USP15: variants seen among roughly 807,000 people sequenced by gnomAD.
The protein encoded by USP15 is ubiquitin specific peptidase 15, also known as ubiquitin carboxyl-terminal hydrolase 15.
In USP15, 18 loss-of-function variants were observed where a neutral mutation model predicts 127.1. The ratio of observed to expected loss-of-function variants is 0.14; its 90% CI spans 0.10 to 0.21. The LOEUF (loss-of-function observed/expected upper bound fraction) is 0.21, where lower values mean the gene tolerates loss of function less well. USP15 is among the 10% of genes least tolerant of loss of function. The pLI, the probability that USP15 is intolerant of heterozygous loss-of-function variation, is 1.00. For missense variants in USP15, 805 were observed against 1,159.9 expected, an observed-to-expected ratio of 0.69 and a Z score of 4.44; for synonymous variants, 364 against 393.7, an observed-to-expected ratio of 0.92 and a Z score of 0.89.
intron 5 of USP15, among the ~76,000 whole-genome samples, chr12:62,323,063 G>T (rs1373994941): frequency 6.6e-6 from 1 of 152,102 alleles, no homozygotes; most frequent in African/African-American, 2.4e-5. Flanking sequence ...TCAGGTTCTA[G>T]CTCAACTGTC....
chr12:62,335,946 C>T (rs2065448659), intron 6 of USP15: 26 of 985,394 alleles, frequency 2.6e-5, no homozygotes, highest in South Asian at 4.7e-5. Context: ...CTGTCTAGCT[C>T]GGTTCCTCTT....
intron 6 of USP15, among the ~76,000 whole-genome samples, chr12:62,342,824 G>A (rs926011185): frequency 2.0e-5 from 3 of 152,176 alleles, no homozygotes; most frequent in African/African-American, 7.2e-5. Flanking sequence ...TCTCCCGTAT[G>A]AGGTGTCTGT....
intron 1 of USP15, among the ~76,000 whole-genome samples, chr12:62,292,230 A>G (rs1172324282): frequency 1.3e-5 from 2 of 152,192 alleles, no homozygotes; most frequent in Non-Finnish European, 2.9e-5. Context: ...TCACACTCCT[A>G]TTCTGGTGCT....
In USP15 at chr12:62,381,516, T is replaced by G. The variant is rs1181855101; in HGVS notation, c.942T>G (p.Thr314=). The change falls in exon 9 of 22, where the codon ACT becomes ACG. Residue 314 remains threonine, a synonymous_variant. Transcript: ENST00000280377. The part of the protein sequence containing the change: ...IQCLSNTPPL[T]EYFLNDKYQE... ...GTTTGAGCAACACACCTCCACTTAC[T>G]GAGTATTTCCTCAATGATAAGTATC... 1.9e-6 allele frequency: 3 copies of G among 1,611,390 alleles called. No individual in the cohort carries two copies. Among genetic ancestry groups the G allele is most frequent in the Non-Finnish European group, 2.5e-6 (3 of 1,178,510 alleles).
At chr12:62,319,773 C>A (rs2064932558) in intron 4 of USP15, among the ~76,000 whole-genome samples, 1 of 152,114 alleles carries the variant, frequency 6.6e-6, no homozygotes, top group African/African-American at 2.4e-5. Flanking sequence ...GAAAAAACAT[C>A]TAGAAGAAAT....
At chr12:62,272,449 A>T (rs2063364838) in intron 1 of USP15, among the ~76,000 whole-genome samples, 1 of 152,018 alleles carries the variant, frequency 6.6e-6, no homozygotes, top group Admixed American at 6.6e-5. Context: ...AAACATGTAC[A>T]AATCAATAAC....
At chr12:62,397,288 G>A (rs1001069083) in intron 20 of USP15, among the ~76,000 whole-genome samples, 2 of 152,068 alleles carry the variant, frequency 1.3e-5, no homozygotes, top group Admixed American at 6.6e-5. Context: ...CTGGTTTTTG[G>A]AACAGCTAGT....
chr12:62,301,023 T>C (rs559455987), intron 2 of USP15, among the ~76,000 whole-genome samples: 1 of 152,264 alleles, frequency 6.6e-6, no homozygotes, highest in South Asian at 2.1e-4. Flanking sequence ...ATAAAACTCA[T>C]TTTGAAGAAA....
intron 1 of USP15, among the ~76,000 whole-genome samples, chr12:62,281,138 A>G (rs1033598487): frequency 6.6e-6 from 1 of 152,212 alleles, no homozygotes; most frequent in Non-Finnish European, 1.5e-5. Context: ...GGCAGATTTC[A>G]TAGATGTAGA....
intron 6 of USP15, among the ~76,000 whole-genome samples, chr12:62,334,377 ATAT>A (rs935536330): frequency 2.0e-5 from 3 of 152,180 alleles, no homozygotes; most frequent in African/African-American, 4.8e-5. Flanking sequence ...GTGTTATCAA[ATAT>A]TATATGTAAA....
intron 7 of USP15, among the ~76,000 whole-genome samples, chr12:62,351,345 C>T (rs1385392192): frequency 6.6e-6 from 1 of 150,460 alleles, no homozygotes; most frequent in Non-Finnish European, 1.5e-5. Flanking sequence ...TACATGAGAG[C>T]TTTAAGTAAA....
intron 1 of USP15, among the ~76,000 whole-genome samples, chr12:62,285,453 A>G (rs1424222756): frequency 2.0e-5 from 3 of 152,014 alleles, no homozygotes; most frequent in African/African-American, 7.2e-5. Flanking sequence ...GTAGTATTCC[A>G]TGGTGTTTGT....
chr12:62,340,411 GT>G (rs963102455), intron 6 of USP15, among the ~76,000 whole-genome samples: 4 of 151,774 alleles, frequency 2.6e-5, no homozygotes, highest in African/African-American at 9.7e-5. Flanking sequence ...GATCTTAGTT[GT>G]TTCTTGTCTT....
rs529342057 is a variant in USP15 at position 62,295,135 on chromosome 12, A to ACC, written c.217+837_217+838dup. 2.7e-3 allele frequency among the ~76,000 whole-genome samples: 408 copies of ACC among 148,976 alleles called. 2 individuals carry two copies. Among genetic ancestry groups the ACC allele is most frequent in the African/African-American group, 9.9e-3 (401 of 40,430 alleles). On this transcript the variant is annotated intron_variant, in intron 2 of 21. Coordinates refer to ENST00000280377, the MANE Select transcript of USP15 (RefSeq NM_001252078.2). ...GTAGCTCAGAGAGAGAGAGACCTAG[A>ACC]CCCCCCCCCATAGGGTTGCTCTTAA... is the stretch of plus-strand genomic sequence containing the variant.
At chr12:62,364,111 G>A (rs1019259861) in intron 8 of USP15, among the ~76,000 whole-genome samples, 3 of 152,112 alleles carry the variant, frequency 2.0e-5, no homozygotes, top group African/African-American at 7.2e-5. Context: ...CATGGAAATG[G>A]TTGTTTCTAA....
At chr12:62,337,895 G>A (rs981448654) in intron 6 of USP15, among the ~76,000 whole-genome samples, 5 of 152,104 alleles carry the variant, frequency 3.3e-5, no homozygotes, top group Admixed American at 2.0e-4. Flanking sequence ...GGAGATTTGG[G>A]TTGGTTCCAA....
chr12:62,314,709 A>G (rs1464757949), intron 3 of USP15, 81 bp from the exon 4 acceptor site: 2 of 1,285,906 alleles, frequency 1.6e-6, no homozygotes, highest in Non-Finnish European at 2.0e-6. Flanking sequence ...GCAGTTTTCT[A>G]AAGTCTCTTT....
chr12:62,400,890 A>C (rs183201950), intron 20 of USP15, among the ~76,000 whole-genome samples: 1 of 152,206 alleles, frequency 6.6e-6, no homozygotes, highest in East Asian at 1.9e-4. Flanking sequence ...GGTACACAGT[A>C]AGCACTACAT....
At chr12:62,381,421 A>G in intron 8 of USP15, 69 bp from the exon 9 acceptor site, 1 of 1,343,660 alleles carries the variant, frequency 7.4e-7, no homozygotes, top group Non-Finnish European at 1.0e-6. Context: ...TTCTCTCTTC[A>G]TATTAATGTG....
Sources: gnomAD v4.1 joint callset for allele counts (sites outside exome capture counted in the v4.1 genomes callset) on GRCh38, gnomAD v4.1.1 for gene constraint, MANE v1.5 for transcripts, NCBI Gene and HGNC (gene_info 2026-07-23, HGNC 2026-07-21) for gene names.